NPAS3: variants seen among roughly 807,000 people sequenced by gnomAD.
NPAS3 encodes neuronal PAS domain-containing protein 3.
NPAS3 carries 14 observed loss-of-function variants against 73.1 expected under a neutral mutation model. That is an observed-to-expected ratio of 0.19 (90% CI 0.13 to 0.30). The LOEUF is 0.30. Among genes scored for constraint, NPAS3 ranks in the 10% least tolerant of loss-of-function variants. NPAS3 has a pLI of 1.00. For missense variants in NPAS3, 1,096 were observed against 1,250.0 expected (o/e 0.88, Z 1.86); for synonymous variants, 620 against 541.5 (o/e 1.14, Z -2.01).
chr14:33,724,084 T>C (rs916999726), intron 6 of NPAS3, among the ~76,000 whole-genome samples: 3 of 152,166 alleles, frequency 2.0e-5, no homozygotes, highest in African/African-American at 7.2e-5. Flanking sequence ...AAAAAATGTA[T>C]AGACTACTCA....
chr14:33,798,745 G>A (rs1196543544), intron 11 of NPAS3, among the ~76,000 whole-genome samples: 1 of 152,094 alleles, frequency 6.6e-6, no homozygotes, highest in East Asian at 1.9e-4. Context: ...GGTAGTCTCT[G>A]CCCCTTTTTA....
chr14:33,613,812 C>T (rs1228250835), intron 5 of NPAS3, among the ~76,000 whole-genome samples: 2 of 152,272 alleles, frequency 1.3e-5, no homozygotes, highest in South Asian at 2.1e-4. Context: ...CTTCTTTGAC[C>T]TCAAGGCTCA....
At chr14:33,001,128 C>T (rs1483437199) in intron 1 of NPAS3, among the ~76,000 whole-genome samples, 17 of 152,192 alleles carry the variant, frequency 1.1e-4, no homozygotes, top group East Asian at 1.9e-4. Flanking sequence ...CTCCATTCTA[C>T]GCAGTTATTC....
At chr14:33,530,046 A>G (rs181587595) in intron 4 of NPAS3, among the ~76,000 whole-genome samples, 30 of 152,028 alleles carry the variant, frequency 2.0e-4, no homozygotes, top group Admixed American at 1.4e-3. Context: ...ATGCTGTCCA[A>G]TTTTTTTTAG....
chr14:33,194,239 G>A (rs1056454394), intron 2 of NPAS3, among the ~76,000 whole-genome samples: 1 of 152,106 alleles, frequency 6.6e-6, no homozygotes, highest in African/African-American at 2.4e-5. Flanking sequence ...GAATACTGAA[G>A]CTCACATTTC....
chr14:33,030,437 T>C (rs75674828), intron 1 of NPAS3, among the ~76,000 whole-genome samples: 2 of 152,348 alleles, frequency 1.3e-5, no homozygotes, highest in South Asian at 2.1e-4. Context: ...ATACACTGCT[T>C]TAAAAATGTT....
intron 2 of NPAS3, among the ~76,000 whole-genome samples, chr14:33,062,509 A>G (rs1298466764): frequency 6.6e-6 from 1 of 152,186 alleles, no homozygotes; most frequent in Non-Finnish European, 1.5e-5. Flanking sequence ...CCAGAGAGTA[A>G]AAATGGATAG....
At chr14:33,076,674 A>ACC (rs1176444596) in intron 2 of NPAS3, among the ~76,000 whole-genome samples, 1 of 152,200 alleles carries the variant, frequency 6.6e-6, no homozygotes, top group Non-Finnish European at 1.5e-5. Context: ...CAGTTGTTTT[A>ACC]ACAAGATATC....
intron 5 of NPAS3, among the ~76,000 whole-genome samples, chr14:33,564,881 C>T (rs1958539): frequency 0.8 from 120,944 of 152,106 alleles, 48,222 homozygotes; most frequent in Admixed American, 0.82. Flanking sequence ...TGGGGTGATA[C>T]CATTAGAAAA....
rs1321407712 is a variant in NPAS3, at chr14:33,545,020, A to C, written c.469-15101A>C. On this transcript the variant is annotated intron_variant, in intron 4 of 11. Transcript: ENST00000356141. ...CTCATTGACATTAATGTTCTGCCCA[A>C]GTGTCCCACCCTGTATTTCCTTAAT... Among the ~76,000 whole-genome samples, 5 of 151,038 alleles carry C rather than the reference A, an allele frequency of 3.3e-5. No individual in the cohort carries two copies. In the East Asian group the frequency reaches 9.7e-4, roughly 29 times the overall value.
At chr14:33,532,035 T>C (rs1359179404) in intron 4 of NPAS3, among the ~76,000 whole-genome samples, 1 of 152,166 alleles carries the variant, frequency 6.6e-6, no homozygotes, top group Admixed American at 6.6e-5. Flanking sequence ...AGTCTTAATT[T>C]ATCTGTGCAA....
chr14:33,175,553 T>C (rs2045556858), intron 2 of NPAS3, among the ~76,000 whole-genome samples: 1 of 152,220 alleles, frequency 6.6e-6, no homozygotes, highest in South Asian at 2.1e-4. Flanking sequence ...CCTTAACACA[T>C]TGTAACAAGC....
At chr14:33,232,028 A>G (rs1179665619) in intron 3 of NPAS3, among the ~76,000 whole-genome samples, 1 of 152,208 alleles carries the variant, frequency 6.6e-6, no homozygotes, top group Admixed American at 6.6e-5. Context: ...TAATAATACC[A>G]TGTAGTCTTA....
chr14:33,636,986 G>A (rs1439208610), intron 5 of NPAS3, among the ~76,000 whole-genome samples: 4 of 151,978 alleles, frequency 2.6e-5, no homozygotes, highest in Non-Finnish European at 5.9e-5. Context: ...TATTAGAAAT[G>A]TTACATCTAT....
At chr14:33,710,037 T>C (rs1016974082) in intron 6 of NPAS3, among the ~76,000 whole-genome samples, 5 of 152,182 alleles carry the variant, frequency 3.3e-5, no homozygotes, top group African/African-American at 1.2e-4. Context: ...ACATTACCCT[T>C]AGGGAGTCTG....
chr14:33,552,456 C>T lies in NPAS3; in HGVS notation c.469-7665C>T, dbSNP rs111824104. 5.8e-3 allele frequency among the ~76,000 whole-genome samples: 883 copies of T among 152,252 alleles called. 8 individuals carry two copies. The highest frequency in any genetic ancestry group is 0.02 in the African/African-American group (844 of 41,544). On this transcript the variant is annotated intron_variant, in intron 4 of 11. Transcript: ENST00000356141. ...ATGTAATGTGACTAACAAATGTTTGCTTCCTTTTCTTTTCCCTGGTGAATA... is the reference window on the plus strand; with the variant it reads ...ATGTAATGTGACTAACAAATGTTTGTTTCCTTTTCTTTTCCCTGGTGAATA...
chr14:33,646,137 G>T (rs1243334225), intron 5 of NPAS3, among the ~76,000 whole-genome samples: 1 of 152,164 alleles, frequency 6.6e-6, no homozygotes, highest in Non-Finnish European at 1.5e-5. Flanking sequence ...TGAAGGACAG[G>T]CAGAATTTAG....
intron 1 of NPAS3, among the ~76,000 whole-genome samples, chr14:33,054,614 G>GTTT (rs10545642): frequency 7.3e-6 from 1 of 137,236 alleles, no homozygotes. Context: ...ACTTATCTGA[G>GTTT]TTTTTTTTTT....
At chr14:33,114,822 T>C (rs1015094274) in intron 2 of NPAS3, among the ~76,000 whole-genome samples, 2 of 152,132 alleles carry the variant, frequency 1.3e-5, no homozygotes, top group Non-Finnish European at 1.5e-5. Flanking sequence ...AAAAGAAGTC[T>C]CAACAATAGA....
Sources: allele counts gnomAD v4.1 joint callset (sites outside exome capture counted in the v4.1 genomes callset), GRCh38; gene constraint gnomAD v4.1.1; transcripts MANE v1.5; gene names NCBI Gene and HGNC (gene_info 2026-07-23, HGNC 2026-07-21).